The following TSHR variants were observed in gnomAD, a reference collection of about 807,000 sequenced individuals.
TSHR encodes thyroid stimulating hormone receptor, also known as thyrotropin receptor.
A neutral mutation model predicts 64.1 loss-of-function variants in TSHR; 51 were observed. The ratio of observed to expected loss-of-function variants is 0.80; its 90% CI spans 0.64 to 1.01. TSHR has a LOEUF of 1.01. TSHR is among the 50% of genes least tolerant of loss of function. TSHR has a pLI of 0.00. For synonymous variants in TSHR, 361 were observed against 361.9 expected (o/e 1.00, Z 0.03); for missense variants, 877 against 942.8 (o/e 0.93, Z 0.91).
At chr14:81,043,101 AG>A (rs1300860354) in intron 1 of TSHR, among the ~76,000 whole-genome samples, 2 of 152,212 alleles carry the variant, frequency 1.3e-5, no homozygotes, top group African/African-American at 4.8e-5. Context: ...CGCAGGCAAG[AG>A]AAAGAAATAA....
intron 2 of TSHR, among the ~76,000 whole-genome samples, chr14:81,066,496 G>A (rs140468142): frequency 1.3e-5 from 2 of 152,148 alleles, no homozygotes; most frequent in African/African-American, 4.8e-5. Flanking sequence ...TAATTATTTA[G>A]AGAACAGGTA....
intron 1 of TSHR, among the ~76,000 whole-genome samples, chr14:80,967,668 T>C (rs1405654574): frequency 1.3e-5 from 2 of 152,182 alleles, no homozygotes; most frequent in Admixed American, 1.3e-4. Flanking sequence ...TTGAACCAGC[T>C]TAATTGCAGG....
chr14:81,077,481 C>T (rs1887588803), intron 3 of TSHR, among the ~76,000 whole-genome samples: 1 of 152,194 alleles, frequency 6.6e-6, no homozygotes, highest in South Asian at 2.1e-4. Flanking sequence ...ACACTAATTG[C>T]TCAACACATA....
At chr14:80,966,719 G>A (rs1453783518) in intron 1 of TSHR, among the ~76,000 whole-genome samples, 2 of 152,182 alleles carry the variant, frequency 1.3e-5, no homozygotes, top group Non-Finnish European at 2.9e-5. Flanking sequence ...TCAGCAAGGT[G>A]TCTTAGTTTG....
At chr14:81,003,506 T>G (rs2139763615) in intron 1 of TSHR, 1 of 222,752 alleles carries the variant, frequency 4.5e-6, no homozygotes, top group Non-Finnish European at 9.4e-6. Flanking sequence ...ATCTTTCGGA[T>G]ACTTGGTGGC....
intron 1 of TSHR, among the ~76,000 whole-genome samples, chr14:80,977,053 C>A (rs138045503): frequency 2.1e-4 from 32 of 152,358 alleles, no homozygotes; most frequent in African/African-American, 7.7e-4. Context: ...GCTACCTTCT[C>A]TGGATTATGT....
At chr14:81,105,929 A>T (rs1889862349) in intron 7 of TSHR, among the ~76,000 whole-genome samples, 1 of 152,016 alleles carries the variant, frequency 6.6e-6, no homozygotes, top group Admixed American at 6.6e-5. Context: ...TTACAAAATC[A>T]TGCTGTTCAA....
intron 1 of TSHR, among the ~76,000 whole-genome samples, chr14:80,959,025 T>C (rs772568169): frequency 6.6e-6 from 1 of 152,212 alleles, no homozygotes; most frequent in Non-Finnish European, 1.5e-5. Context: ...CTTCTACTCA[T>C]AGATTATTGT....
chr14:81,132,366 T>C (rs1891282989), intron 8 of TSHR, among the ~76,000 whole-genome samples: 3 of 152,210 alleles, frequency 2.0e-5, no homozygotes, highest in Non-Finnish European at 4.4e-5. Flanking sequence ...AATGACAAAA[T>C]ATCTCTCAAA....
At chr14:81,100,700 C>G (rs960826393) in intron 7 of TSHR, among the ~76,000 whole-genome samples, 1 of 152,174 alleles carries the variant, frequency 6.6e-6, no homozygotes, top group Non-Finnish European at 1.5e-5. Flanking sequence ...CTCAGGGAGA[C>G]ACTTTAAAGG....
chr14:81,048,719 T>A (rs1420515925), intron 1 of TSHR, among the ~76,000 whole-genome samples: 5 of 152,200 alleles, frequency 3.3e-5, no homozygotes, highest in African/African-American at 9.6e-5. Flanking sequence ...TTAGTGAGAT[T>A]ACTATATTTG....
intron 3 of TSHR, among the ~76,000 whole-genome samples, chr14:81,071,014 A>C (rs1054138897): frequency 2.6e-5 from 4 of 152,196 alleles, no homozygotes; most frequent in African/African-American, 4.8e-5. Context: ...GCACAAAATG[A>C]AATAATGTCT....
chr14:80,999,230 A>G (rs373177547), intron 1 of TSHR, among the ~76,000 whole-genome samples: 19 of 152,124 alleles, frequency 1.2e-4, no homozygotes, highest in African/African-American at 4.3e-4. Flanking sequence ...ATTTTTGAAG[A>G]ATTCTGTTAT....
intron 1 of TSHR, among the ~76,000 whole-genome samples, chr14:81,035,871 AAAATAAAAAT>A (rs937098755): frequency 1.5e-5 from 2 of 135,468 alleles, no homozygotes; most frequent in African/African-American, 2.9e-5. Context: ...AGTGTCAAAA[AAAATAAAAAT>A]AAATAAAAAT....
intron 1 of TSHR, among the ~76,000 whole-genome samples, chr14:80,999,254 G>A (rs1889183230): frequency 6.6e-6 from 1 of 151,986 alleles, no homozygotes; most frequent in African/African-American, 2.4e-5. Context: ...TTTTTATATT[G>A]GAGAAAATCT....
chr14:81,145,502 T>G lies in TSHR; in HGVS notation c.*1149T>G, dbSNP rs1490817453. 2 of 114,858 alleles carry G rather than the reference T, an allele frequency of 1.7e-5. No individual in the cohort carries two copies. The highest frequency in any genetic ancestry group is 3.2e-5 in the Non-Finnish European group (2 of 63,296). The allele number at this position is 114,858 out of a possible 1,614,324, so 7.1% of individuals were successfully genotyped here. ...CATTTAATTACTAGATCTACCCAGC[T>G]GTTATATCAGGCCAAAAACAGATTC... is the stretch of plus-strand genomic sequence containing the variant. On this transcript the variant is annotated 3_prime_UTR_variant, in exon 10 of 10. Transcript: ENST00000298171.
chr14:80,976,002 C>T (rs1243879643), intron 1 of TSHR, among the ~76,000 whole-genome samples: 1 of 151,846 alleles, frequency 6.6e-6, no homozygotes, highest in Admixed American at 6.5e-5. Context: ...AGCTCCGCCT[C>T]CCGGGTTCAC....
chr14:81,138,240 G>T (rs1019384717), intron 8 of TSHR, among the ~76,000 whole-genome samples: 1 of 148,872 alleles, frequency 6.7e-6, no homozygotes, highest in Admixed American at 6.7e-5. Flanking sequence ...ACCCAGGCTG[G>T]AGTACAATGG....
At chr14:80,962,758 C>T (rs1053346392) in intron 1 of TSHR, among the ~76,000 whole-genome samples, 24 of 152,142 alleles carry the variant, frequency 1.6e-4, no homozygotes, top group Admixed American at 3.9e-4. Context: ...CTTCCCTAGT[C>T]AGGGAGGGAA....
Sources: gnomAD v4.1 joint callset for allele counts (sites outside exome capture counted in the v4.1 genomes callset) on GRCh38, gnomAD v4.1.1 for gene constraint, MANE v1.5 for transcripts, NCBI Gene and HGNC (gene_info 2026-07-23, HGNC 2026-07-21) for gene names.